Variants in PDE2A observed in about 807,000 individuals in gnomAD.
The protein encoded by PDE2A is cGMP-dependent 3',5'-cyclic phosphodiesterase.
PDE2A carries 53 observed loss-of-function variants against 133.6 expected under a neutral mutation model. The ratio of observed to expected loss-of-function variants is 0.40; its 90% confidence interval spans 0.32 to 0.50. The LOEUF is 0.50. PDE2A is among the 20% of genes least tolerant of loss of function. The probability of loss-of-function intolerance (pLI) is 0.73; values close to 1 mark genes in which losing one functional copy is unlikely to be tolerated. For missense variants in PDE2A, 796 were observed against 1,232.4 expected (o/e 0.65, Z 5.30); for synonymous variants, 491 against 490.2 (o/e 1.00, Z -0.02).
At chr11:72,657,916 C>T (rs1854942982) in intron 1 of PDE2A, 1 of 456,144 alleles carries the variant, frequency 2.2e-6, no homozygotes, top group Non-Finnish European at 4.4e-6. Flanking sequence ...AGCCTCCCAC[C>T]CAGCCTCTGT....
At chr11:72,618,719 A>G (rs1857596402) in intron 2 of PDE2A, among the ~76,000 whole-genome samples, 1 of 152,096 alleles carries the variant, frequency 6.6e-6, no homozygotes, top group Non-Finnish European at 1.5e-5. Context: ...CATTTTTCAG[A>G]TGAGAGAGCC....
chr11:72,646,594 G>A (rs1175608509), intron 1 of PDE2A, among the ~76,000 whole-genome samples: 3 of 152,172 alleles, frequency 2.0e-5, no homozygotes, highest in African/African-American at 7.2e-5. Flanking sequence ...TTCACCCTCT[G>A]CTCATAATCT....
intron 16 of PDE2A, 77 bp downstream of exon 16, chr11:72,585,294 G>A (rs904219681): frequency 1.1e-5 from 13 of 1,201,276 alleles, no homozygotes; most frequent in Non-Finnish European, 1.5e-5. Context: ...AAGGGAAGTG[G>A]GTGGGGCAGG....
intron 2 of PDE2A, among the ~76,000 whole-genome samples, chr11:72,640,315 G>A (rs1247352300): frequency 6.6e-6 from 1 of 151,514 alleles, no homozygotes; most frequent in Non-Finnish European, 1.5e-5. Flanking sequence ...AATGTCACAC[G>A]TTTGTGGGCA....
Position 72,576,367 on chromosome 11 carries a change from C to T in PDE2A, c.*1017G>A, listed in dbSNP as rs1038108284. On this transcript the variant is annotated 3_prime_UTR_variant, in exon 31 of 31. Transcript: ENST00000334456. ...AAGAGTCCCGGCCCTATGGGGTCTC[C>T]CAAGCCCCAGGGCACAGGTGGATAT... The T allele has an allele frequency of 6.6e-6, 1 of 152,202 alleles. No individual in the cohort carries two copies. The highest frequency in any genetic ancestry group is 2.1e-4 in the South Asian group (1 of 4,830). The allele number at this position is 152,202 out of a possible 1,614,324, so 9.4% of individuals were successfully genotyped here.
intron 2 of PDE2A, among the ~76,000 whole-genome samples, chr11:72,632,299 C>T (rs561954856): frequency 1.3e-3 from 196 of 152,248 alleles, no homozygotes; most frequent in South Asian, 6.8e-3. Flanking sequence ...CGAAGCAGGG[C>T]GTCTGGTTGT....
Position 72,590,152 on chromosome 11 carries a change from A to G in PDE2A, c.756+40T>C. ...AGGGGAAGTTGGTCCCCGGAGGGAG[A>G]CAGGACGGGGAGGTGGCCGGCAGGG... is the stretch of plus-strand genomic sequence containing the variant. On this transcript the variant is annotated intron_variant, in intron 9 of 30. Coordinates refer to ENST00000334456, the MANE Select transcript of PDE2A (RefSeq NM_002599.5). This position sits in a 1 kb window ranked among gnomAD's most constrained non-coding sequence, Gnocchi z 4.8. The G allele has an allele frequency of 6.6e-7, 1 of 1,524,170 alleles. No homozygotes were observed. The highest frequency in any genetic ancestry group is 8.9e-7 in the Non-Finnish European group (1 of 1,124,032). 94.4% of individuals were successfully genotyped at this position (1,524,170 alleles called of 1,614,324 possible).
intron 1 of PDE2A, among the ~76,000 whole-genome samples, chr11:72,655,162 G>A (rs931700771): frequency 3.9e-5 from 6 of 152,192 alleles, no homozygotes; most frequent in African/African-American, 1.2e-4. Context: ...CACCCTGTAC[G>A]CACTCAGAGA....
chr11:72,631,029 C>A (rs574080943), intron 2 of PDE2A: 2 of 1,400,372 alleles, frequency 1.4e-6, no homozygotes, highest in Non-Finnish European at 2.0e-6. Context: ...CTTCAGTCTG[C>A]GCCCCACCCC....
chr11:72,631,240 C>T, intron 2 of PDE2A: 1 of 889,388 alleles, frequency 1.1e-6, no homozygotes, highest in East Asian at 2.9e-5. Context: ...CGGATGGCCC[C>T]CTCCTCCAGG....
At chr11:72,618,590 C>T (rs456405) in intron 2 of PDE2A, among the ~76,000 whole-genome samples, 55,411 of 152,044 alleles carry the variant, frequency 0.36, 11,284 homozygotes, top group Middle Eastern at 0.51. Context: ...ACCTTCTTTG[C>T]CCCCCTTCAT....
Position 72,591,492 on chromosome 11 carries a change from C to A in PDE2A, c.490-136G>T. 8.8e-6 allele frequency: 6 copies of A among 680,922 alleles called. No homozygotes were observed. In the East Asian group the frequency reaches 1.3e-4, roughly 15 times the overall value. 42.2% of individuals were successfully genotyped at this position (680,922 alleles called of 1,614,324 possible). ...CCAGTCTGTGGGCCTCAGTGATAAC[C>A]CCATCTTTCTGACCACTCAGACAGC... On this transcript the variant is annotated intron_variant, in intron 6 of 30. Coordinates refer to ENST00000334456, the MANE Select transcript of PDE2A (RefSeq NM_002599.5).
chr11:72,608,228 T>C (rs1857054802), intron 3 of PDE2A, among the ~76,000 whole-genome samples: 1 of 152,110 alleles, frequency 6.6e-6, no homozygotes, highest in Non-Finnish European at 1.5e-5. Flanking sequence ...CCAATGCATG[T>C]CTATTCATCA....
chr11:72,640,596 A>T (rs1208418091), intron 2 of PDE2A, among the ~76,000 whole-genome samples: 1 of 152,176 alleles, frequency 6.6e-6, no homozygotes, highest in East Asian at 1.9e-4. Context: ...AGGATGTGCC[A>T]TAGTGACTCT....
In PDE2A at chr11:72,597,435, C is replaced by T; in HGVS notation, c.433+75G>A. On this transcript the variant is annotated intron_variant, in intron 5 of 30. Transcript: ENST00000334456. This position sits in a 1 kb window ranked among gnomAD's most constrained non-coding sequence, Gnocchi z 4.6. ...CAGAGATGAAGAGGAATAGAAGACA[C>T]ACATGACCTGGAGTGCAGGGGCCAC... 1 of 808,472 alleles carries T rather than the reference C, an allele frequency of 1.2e-6. No individual in the cohort carries two copies. 50.1% of individuals were successfully genotyped at this position (808,472 alleles called of 1,614,324 possible).
chr11:72,623,358 C>T (rs1003761782), intron 2 of PDE2A, among the ~76,000 whole-genome samples: 3 of 152,116 alleles, frequency 2.0e-5, no homozygotes, highest in African/African-American at 7.2e-5. Context: ...GGCCCTCCTC[C>T]TCTGTCTCGT....
chr11:72,625,613 G>A (rs1015179824), intron 2 of PDE2A, among the ~76,000 whole-genome samples: 11 of 152,202 alleles, frequency 7.2e-5, no homozygotes, highest in Non-Finnish European at 1.5e-4. Flanking sequence ...GGAGGAGACA[G>A]GATGGACCAG....
chr11:72,584,329 G>A lies in PDE2A; in HGVS notation c.1538-16C>T. 2 of 1,534,650 alleles carry A rather than the reference G, an allele frequency of 1.3e-6. No homozygotes were observed. Among genetic ancestry groups the A allele is most frequent in the Non-Finnish European group, 1.8e-6 (2 of 1,107,956 alleles). On this transcript the variant is annotated splice_polypyrimidine_tract_variant and intron_variant, in intron 18 of 30. Transcript: ENST00000334456. Reference sequence around the variant, plus strand: ...CCGATGACCTCTGGGGAAGGGAGAGGGGCAAGGAACCACCGGTGGAGGGAG... The same window carrying A: ...CCGATGACCTCTGGGGAAGGGAGAGAGGCAAGGAACCACCGGTGGAGGGAG...
intron 19 of PDE2A, among the ~76,000 whole-genome samples, chr11:72,583,789 C>T (rs1321275128): frequency 1.3e-5 from 2 of 152,302 alleles, no homozygotes; most frequent in East Asian, 3.9e-4. Context: ...GAGCCCAAGG[C>T]CCATGGCAGG....
Sources: gnomAD v4.1 joint callset for allele counts (sites outside exome capture counted in the v4.1 genomes callset) on GRCh38, gnomAD v4.1.1 for gene constraint, Gnocchi (gnomAD v3.1) non-coding constraint, MANE v1.5 for transcripts, NCBI Gene and HGNC (gene_info 2026-07-23, HGNC 2026-07-21) for gene names.